MAF: variants seen among roughly 807,000 people sequenced by gnomAD.
MAF encodes the protein transcription factor Maf.
Under a neutral mutation model 22.0 loss-of-function variants are expected in MAF, and 10 were observed. The observed-to-expected ratio is 0.45, with a 90% CI of 0.28 to 0.77. The LOEUF is 0.77. Ranked by LOEUF, MAF falls within the 30% of genes least tolerant of loss-of-function variation. The pLI is 0.12. For missense variants in MAF, 544 were observed against 548.4 expected, an observed-to-expected ratio of 0.99 and a Z score of 0.08; for synonymous variants, 337 against 255.8, an observed-to-expected ratio of 1.32 and a Z score of -3.03.
chr16:79,549,066 G>C, the MAF span, among the ~76,000 whole-genome samples: 1 of 152,096 alleles, frequency 6.6e-6, no homozygotes, highest in Non-Finnish European at 1.5e-5. Context: ...TGTAAAACAA[G>C]GATATCATTA....
rs925626997 is a variant in MAF, at chr16:79,597,216, G to A, written c.1118+1569C>T. 9.5e-6 allele frequency: 10 copies of A among 1,052,480 alleles called. No homozygotes were observed. The African/African-American group carries it at 1.5e-4, about 16-fold the overall frequency. The allele number at this position is 1,052,480 out of a possible 1,614,324, so 65.2% of individuals were successfully genotyped here. The stretch of plus-strand genomic sequence containing the variant: ...CGTTTAAAAAATCTACAGCTAAACA[G>A]ACCTAACTCTTTCAAATTTATCTAT... On this transcript the variant is annotated intron_variant, in intron 1 of 1. Transcript: ENST00000326043.
At chr16:79,262,671 T>C in the MAF span, among the ~76,000 whole-genome samples, 3 of 152,250 alleles carry the variant, frequency 2.0e-5, no homozygotes, top group African/African-American at 7.2e-5. Context: ...AGTCTTACAG[T>C]TCCTTCTGTA....
the MAF span, among the ~76,000 whole-genome samples, chr16:79,402,235 G>C: frequency 1.3e-5 from 2 of 152,172 alleles, no homozygotes; most frequent in Non-Finnish European, 2.9e-5. Flanking sequence ...GATTAAATAA[G>C]ATCATGAGCA....
At chr16:79,536,946 G>T in the MAF span, among the ~76,000 whole-genome samples, 1 of 152,088 alleles carries the variant, frequency 6.6e-6, no homozygotes, top group Admixed American at 6.6e-5. Context: ...AGATACTGAG[G>T]GATGACTATT....
chr16:79,578,041 T>G, the MAF span, among the ~76,000 whole-genome samples: 1 of 152,308 alleles, frequency 6.6e-6, no homozygotes, highest in East Asian at 1.9e-4. Context: ...TTTCCCAATT[T>G]CTGAACTAAT....
the MAF span, among the ~76,000 whole-genome samples, chr16:79,499,775 C>G: frequency 6.6e-6 from 1 of 152,134 alleles, no homozygotes; most frequent in African/African-American, 2.4e-5. Context: ...TATAAGCTAC[C>G]CAATATTTTG....
chr16:79,270,646 A>G, the MAF span, among the ~76,000 whole-genome samples: 1 of 152,318 alleles, frequency 6.6e-6, no homozygotes, highest in Non-Finnish European at 1.5e-5. Context: ...TGGCACAACC[A>G]TCTCTCAGGA....
chr16:79,411,319 C>A, the MAF span, among the ~76,000 whole-genome samples: 1 of 152,136 alleles, frequency 6.6e-6, no homozygotes, highest in Non-Finnish European at 1.5e-5. Flanking sequence ...ATGTCACATC[C>A]CTATTGACTT....
chr16:79,532,306 C>G, the MAF span, among the ~76,000 whole-genome samples: 2 of 152,202 alleles, frequency 1.3e-5, no homozygotes, highest in Non-Finnish European at 2.9e-5. Context: ...CCATGTCCAA[C>G]AGCATCATCC....
chr16:79,230,764 C>T, the MAF span, among the ~76,000 whole-genome samples: 2 of 152,040 alleles, frequency 1.3e-5, no homozygotes, highest in Non-Finnish European at 2.9e-5. Flanking sequence ...AGATTATATT[C>T]CAAATTTCCT....
chr16:79,289,173 C>A, the MAF span, among the ~76,000 whole-genome samples: 2 of 152,106 alleles, frequency 1.3e-5, no homozygotes, highest in African/African-American at 4.8e-5. Flanking sequence ...TGTGGAGAAA[C>A]ACTGTAGGGA....
chr16:79,503,806 G>A, the MAF span, among the ~76,000 whole-genome samples: 13 of 152,174 alleles, frequency 8.5e-5, no homozygotes, highest in East Asian at 1.9e-4. Context: ...TGGTTACTCC[G>A]TAGTCTTGAC....
chr16:79,589,688 G>A (rs1305759571), downstream of MAF, among the ~76,000 whole-genome samples: 2 of 152,176 alleles, frequency 1.3e-5, no homozygotes, highest in African/African-American at 4.8e-5. Context: ...GCCCACCCAG[G>A]AGAGCGGCGC....
the MAF span, among the ~76,000 whole-genome samples, chr16:79,457,427 A>C: frequency 2.0e-5 from 3 of 151,288 alleles, no homozygotes; most frequent in African/African-American, 7.3e-5. Context: ...CATTCGGACA[A>C]TGTTACTACA....
the MAF span, among the ~76,000 whole-genome samples, chr16:79,364,674 T>C: frequency 1.1e-4 from 16 of 152,306 alleles, no homozygotes; most frequent in South Asian, 2.1e-3. Context: ...TCCATGTGTA[T>C]ATGTGCCATT....
At chr16:79,591,454 G>T (rs577490440), downstream of MAF, among the ~76,000 whole-genome samples, 7 of 152,288 alleles carry the variant, frequency 4.6e-5, no homozygotes, top group Middle Eastern at 3.4e-3. Context: ...ATGTGATTTT[G>T]CAATCCACAG....
the MAF span, among the ~76,000 whole-genome samples, chr16:79,546,072 T>C: frequency 7.2e-5 from 11 of 151,998 alleles, no homozygotes; most frequent in East Asian, 1.7e-3. Flanking sequence ...ATAAAATATA[T>C]CACTACATTG....
At chr16:79,480,187 C>A in the MAF span, among the ~76,000 whole-genome samples, 5 of 152,120 alleles carry the variant, frequency 3.3e-5, no homozygotes, top group African/African-American at 1.2e-4. Flanking sequence ...TGAGTATCCA[C>A]TCGTTGGAGC....
the MAF span, among the ~76,000 whole-genome samples, chr16:79,439,332 G>A: frequency 1.3e-5 from 2 of 148,948 alleles, no homozygotes; most frequent in East Asian, 4.0e-4. Context: ...CTCAATCTTG[G>A]CTCACTGCAA....
Sources: allele counts gnomAD v4.1 joint callset (sites outside exome capture counted in the v4.1 genomes callset), GRCh38; gene constraint gnomAD v4.1.1; transcripts MANE v1.5; gene names NCBI Gene and HGNC (gene_info 2026-07-23, HGNC 2026-07-21).